The following STOX2 variants were observed in gnomAD, a reference collection of about 807,000 sequenced individuals.
STOX2 encodes storkhead box 2.
A neutral mutation model predicts 60.9 loss-of-function variants in STOX2; 28 were observed. The observed-to-expected ratio is 0.46, with a 90% CI of 0.34 to 0.63. STOX2 has a LOEUF of 0.63. STOX2 is among the 30% of genes least tolerant of loss of function. The pLI is 0.01. For missense variants in STOX2, 1,024 were observed against 1,187.7 expected, an observed-to-expected ratio of 0.86 and a Z score of 2.03; for synonymous variants, 472 against 463.9, an observed-to-expected ratio of 1.02 and a Z score of -0.22.
chr4:183,874,981 ATATATATAT>A (rs1560857896), intron 1 of STOX2, among the ~76,000 whole-genome samples: 1,094 of 106,192 alleles, frequency 0.01, 26 homozygotes, highest in South Asian at 0.017. Flanking sequence ...ATATATATAT[ATATATATAT>A]ATAAAACTTA....
In STOX2 at chr4:184,018,646, C is replaced by T. The variant is rs897666402; in HGVS notation, c.*1362C>T. ...TAGCTGGATGTGTAGTTAATTAGACCAACTTATTTCCAAATGGTTTGTTAA... is the reference window on the plus strand; with the variant it reads ...TAGCTGGATGTGTAGTTAATTAGACTAACTTATTTCCAAATGGTTTGTTAA... On this transcript the variant is annotated 3_prime_UTR_variant, in exon 4 of 4. Transcript: ENST00000308497. The T allele has an allele frequency of 6.6e-6, 1 of 152,062 alleles. No individual in the cohort carries two copies. The highest frequency in any genetic ancestry group is 2.4e-5 in the African/African-American group (1 of 41,414). The allele number at this position is 152,062 out of a possible 1,614,324, so 9.4% of individuals were successfully genotyped here. A position where few individuals can be genotyped will look rare whatever the true frequency, so the allele number is the denominator to read the frequency against.
chr4:184,001,534 GACTC>G lies in STOX2; in HGVS notation c.319+60_319+63del. 1.3e-6 allele frequency: 2 copies of G among 1,531,346 alleles called. No homozygotes were observed. Among genetic ancestry groups the G allele is most frequent in the South Asian group, 2.3e-5 (2 of 86,678 alleles). The allele number at this position is 1,531,346 out of a possible 1,614,324, so 94.9% of individuals were successfully genotyped here. On this transcript the variant is annotated intron_variant, in intron 2 of 3. Coordinates refer to ENST00000308497, the MANE Select transcript of STOX2 (RefSeq NM_020225.3). This position sits in a 1 kb window ranked among gnomAD's most constrained non-coding sequence, Gnocchi z 4.2. ...TGGCGGTGTGCTGTGGTCGCTCTAGGACTCACGTGGACTGTTCTGCCCATGTTTA... is the reference window on the plus strand; with the variant it reads ...TGGCGGTGTGCTGTGGTCGCTCTAGGACGTGGACTGTTCTGCCCATGTTTA...
intron 1 of STOX2, among the ~76,000 whole-genome samples, chr4:183,840,942 G>C (rs1739844092): frequency 6.6e-6 from 1 of 151,934 alleles, no homozygotes; most frequent in South Asian, 2.1e-4. Flanking sequence ...ATCTCAGCTC[G>C]CTGCAATCTC....
At chr4:183,931,867 G>A (rs921919235) in intron 1 of STOX2, among the ~76,000 whole-genome samples, 2 of 152,220 alleles carry the variant, frequency 1.3e-5, no homozygotes, top group Non-Finnish European at 2.9e-5. Context: ...CAGTAAATGA[G>A]AAACTGTAGA....
chr4:183,821,503 T>C lies in STOX2; in HGVS notation c.364+23448T>C, dbSNP rs1249928788. 3.3e-5 allele frequency among the ~76,000 whole-genome samples: 5 copies of C among 152,248 alleles called. No homozygotes were observed. Among genetic ancestry groups the C allele is most frequent in the East Asian group, 1.9e-4 (1 of 5,198 alleles). On this transcript the variant is annotated intron_variant, in intron 1 of 2. Transcript: ENST00000513034. The surrounding 1 kb of genome is among the most constrained non-coding windows in gnomAD (Gnocchi z 4.2). ...TTTTCACCCATGACCCTTAAGAGAA[T>C]GCGGGTGATCCCAACCCTTGCTGCG...
At chr4:183,852,988 C>T (rs925261564) in intron 1 of STOX2, among the ~76,000 whole-genome samples, 3 of 152,114 alleles carry the variant, frequency 2.0e-5, no homozygotes, top group East Asian at 1.9e-4. Context: ...CTGATGAACC[C>T]GGGGCACTTT....
chr4:183,868,064 C>T (rs1219240739), intron 1 of STOX2, among the ~76,000 whole-genome samples: 2 of 151,628 alleles, frequency 1.3e-5, no homozygotes, highest in African/African-American at 4.8e-5. Context: ...GGGGCTTGAC[C>T]ACTTGCTCAG....
Position 184,010,637 on chromosome 4 carries a change from A to G in STOX2, c.1799A>G (p.Tyr600Cys). 6.2e-7 allele frequency: 1 copy of G among 1,614,034 alleles called. No homozygotes were observed. Residue 600 changes from tyrosine (Y) to cysteine (C), a missense_variant, in exon 3 of 4, where the codon TAT becomes TGT. Tyr to Cys is a radical substitution (Grantham distance 194). Around this residue, in one of 3 missense-constraint regions of STOX2, gnomAD observed 922 missense variants for 1,058.3 expected, o/e 0.87. Coordinates refer to ENST00000308497, the MANE Select transcript of STOX2 (RefSeq NM_020225.3). The surrounding 1 kb of genome is among the most constrained non-coding windows in gnomAD (Gnocchi z 4.5). ...CCAACAAAAACAGCCACAGATGACT[A>G]TTTCCAGTGCAACACCTCTAGTGAG... ...SCPTKTATDD[Y>C]FQCNTSSETV...
At chr4:183,858,052 G>T (rs541850060) in intron 1 of STOX2, among the ~76,000 whole-genome samples, 1 of 152,162 alleles carries the variant, frequency 6.6e-6, no homozygotes, top group Admixed American at 6.5e-5. Flanking sequence ...AGTGAGGAGC[G>T]GGTAGTAAAT....
chr4:184,013,228 T>C (rs1205556898), intron 3 of STOX2, among the ~76,000 whole-genome samples: 5 of 152,240 alleles, frequency 3.3e-5, no homozygotes, highest in Admixed American at 3.3e-4. Context: ...TGCATAATAT[T>C]GAAAGTTTTT....
chr4:183,948,068 G>A (rs569158233), intron 1 of STOX2, among the ~76,000 whole-genome samples: 28 of 151,724 alleles, frequency 1.8e-4, no homozygotes, highest in Non-Finnish European at 2.8e-4. Flanking sequence ...AATACAAAAA[G>A]TTAGCTGGTC....
intron 1 of STOX2, among the ~76,000 whole-genome samples, chr4:183,929,138 G>A (rs1742336880): frequency 6.6e-6 from 1 of 152,178 alleles, no homozygotes; most frequent in Non-Finnish European, 1.5e-5. Context: ...AAAATTACAT[G>A]AGATCTAGTC....
At chr4:183,954,867 T>A (rs1372509677) in intron 1 of STOX2, among the ~76,000 whole-genome samples, 1 of 152,070 alleles carries the variant, frequency 6.6e-6, no homozygotes, top group African/African-American at 2.4e-5. Flanking sequence ...GCCTCCCAAG[T>A]AGCTGGGATT....
intron 2 of STOX2, among the ~76,000 whole-genome samples, chr4:184,006,260 T>G (rs886378608): frequency 6.6e-5 from 10 of 152,210 alleles, no homozygotes; most frequent in Non-Finnish European, 1.0e-4. Flanking sequence ...TACGAGTGTT[T>G]GAAAAAGTTT....
chr4:183,902,694 T>C (rs1741488770), upstream of STOX2, among the ~76,000 whole-genome samples: 1 of 152,222 alleles, frequency 6.6e-6, no homozygotes, highest in South Asian at 2.1e-4. Context: ...CCATTTTTCT[T>C]CAGATTGGAC....
At chr4:183,948,440 A>G (rs1742966833) in intron 1 of STOX2, among the ~76,000 whole-genome samples, 1 of 148,848 alleles carries the variant, frequency 6.7e-6, no homozygotes, top group African/African-American at 2.5e-5. Context: ...TTCAACACCT[A>G]GTTTGGGGAA....
At chr4:183,831,332 C>G (rs907762834) in intron 1 of STOX2, among the ~76,000 whole-genome samples, 1 of 152,118 alleles carries the variant, frequency 6.6e-6, no homozygotes, top group East Asian at 1.9e-4. Flanking sequence ...CATTTCCGCC[C>G]CCAAGTTTGC....
chr4:183,917,964 G>A (rs956435154), intron 1 of STOX2, among the ~76,000 whole-genome samples: 2 of 152,224 alleles, frequency 1.3e-5, no homozygotes, highest in Admixed American at 1.3e-4. Context: ...GATTAAATGA[G>A]CAAATGCAAT....
rs1388124162 is a variant in STOX2, at chr4:183,825,873, GCAGT to G, written c.364+27823_364+27826del. On this transcript the variant is annotated intron_variant, in intron 1 of 2. Coordinates refer to the STOX2 transcript ENST00000513034. This position sits in a 1 kb window ranked among gnomAD's most constrained non-coding sequence, Gnocchi z 4.1. The stretch of plus-strand genomic sequence containing the variant: ...GAAGTTTAGTCTGGGAACGAGTATG[GCAGT>G]CAGTTTGGCAAATGATGGGGAGAAG... Among the ~76,000 whole-genome samples, 1 of 152,152 alleles carries G rather than the reference GCAGT, an allele frequency of 6.6e-6. No individual in the cohort carries two copies. The highest frequency in any genetic ancestry group is 1.5e-5 in the Non-Finnish European group (1 of 68,018).
Sources: gnomAD v4.1 joint callset for allele counts (sites outside exome capture counted in the v4.1 genomes callset) on GRCh38, gnomAD v4.1.1 for gene constraint, gnomAD v4.1.1 regional missense constraint, Gnocchi (gnomAD v3.1) non-coding constraint, MANE v1.5 for transcripts, NCBI Gene and HGNC (gene_info 2026-07-23, HGNC 2026-07-21) for gene names.